TMEM132D: variants seen among roughly 807,000 people sequenced by gnomAD.
TMEM132D encodes mature OL transmembrane protein.
A neutral mutation model predicts 62.3 loss-of-function variants in TMEM132D; 21 were observed. That is an observed-to-expected ratio of 0.34 (90% CI 0.24 to 0.49). The LOEUF is 0.49. Among genes scored for constraint, TMEM132D ranks in the 20% least tolerant of loss-of-function variants. TMEM132D has a pLI of 0.99. For missense variants in TMEM132D, 1,346 were observed against 1,402.8 expected, an observed-to-expected ratio of 0.96 and a Z score of 0.65; for synonymous variants, 621 against 575.6, an observed-to-expected ratio of 1.08 and a Z score of -1.13.
intron 1 of TMEM132D, among the ~76,000 whole-genome samples, chr12:129,737,495 G>A (rs1869465393): frequency 6.6e-6 from 1 of 152,068 alleles, no homozygotes; most frequent in South Asian, 2.1e-4. Flanking sequence ...TGTATAAATT[G>A]GCTAGACACA....
chr12:129,077,275 G>T (rs759124816), intron 8 of TMEM132D, among the ~76,000 whole-genome samples: 4 of 152,052 alleles, frequency 2.6e-5, no homozygotes, highest in South Asian at 4.1e-4. Context: ...CGCAGAAAAG[G>T]CTCCTGATCC....
intron 3 of TMEM132D, among the ~76,000 whole-genome samples, chr12:129,528,450 AAAT>A (rs1349068898): frequency 2.0e-5 from 3 of 147,974 alleles, no homozygotes; most frequent in African/African-American, 7.7e-5. Flanking sequence ...AAAAAAAAAA[AAAT>A]CAAACAGTTC....
Position 129,765,236 on chromosome 12 carries a change from G to A in TMEM132D, c.80-64538C>T, listed in dbSNP as rs148604682. ...CAATTCTACAACTCTGAAAGTTGTA[G>A]GTAATTTATAGCAATGCAAATAATT... On this transcript the variant is annotated intron_variant, in intron 1 of 8. Transcript: ENST00000422113. Among the ~76,000 whole-genome samples, 701 of 152,284 alleles carry A rather than the reference G, an allele frequency of 4.6e-3. 8 individuals are homozygous for A. Among genetic ancestry groups the A allele is most frequent in the African/African-American group, 0.016 (650 of 41,560 alleles).
intron 3 of TMEM132D, among the ~76,000 whole-genome samples, chr12:129,350,602 AGTGAC>A (rs1191485662): frequency 5.3e-5 from 8 of 152,300 alleles, no homozygotes; most frequent in Non-Finnish European, 8.8e-5. Context: ...TCAGGCAGAG[AGTGAC>A]TTATTTACTG....
chr12:129,390,698 T>C (rs371066005), intron 3 of TMEM132D, among the ~76,000 whole-genome samples: 88 of 152,192 alleles, frequency 5.8e-4, no homozygotes, highest in African/African-American at 2.0e-3. Flanking sequence ...TCCTCCTTCT[T>C]CTTGCTGGTG....
At chr12:129,343,407 C>T (rs569234538) in intron 3 of TMEM132D, among the ~76,000 whole-genome samples, 1 of 149,770 alleles carries the variant, frequency 6.7e-6, no homozygotes, top group Non-Finnish European at 1.5e-5. Context: ...AGAGGAACAT[C>T]ACACACTGGG....
chr12:129,176,357 C>T (rs955838795), intron 5 of TMEM132D, among the ~76,000 whole-genome samples: 4 of 152,332 alleles, frequency 2.6e-5, no homozygotes, highest in South Asian at 2.1e-4. Flanking sequence ...TGTGACTCCA[C>T]CATACTGTTT....
intron 1 of TMEM132D, among the ~76,000 whole-genome samples, chr12:129,732,179 C>T (rs1421279262): frequency 1.3e-5 from 2 of 152,116 alleles, no homozygotes; most frequent in African/African-American, 4.8e-5. Flanking sequence ...CCTCAGATCG[C>T]ATGGGGAAGC....
At chr12:129,756,370 C>T (rs1870169383) in intron 1 of TMEM132D, among the ~76,000 whole-genome samples, 1 of 152,182 alleles carries the variant, frequency 6.6e-6, no homozygotes, top group Non-Finnish European at 1.5e-5. Flanking sequence ...GAAATTTTGA[C>T]ACACACTATA....
intron 4 of TMEM132D, among the ~76,000 whole-genome samples, chr12:129,240,147 T>A (rs1265979014): frequency 6.6e-6 from 1 of 152,156 alleles, no homozygotes; most frequent in African/African-American, 2.4e-5. Flanking sequence ...AAAACAGCAA[T>A]GAGCAGTAAT....
intron 1 of TMEM132D, among the ~76,000 whole-genome samples, chr12:129,760,114 C>T (rs981806820): frequency 1.3e-5 from 2 of 152,032 alleles, no homozygotes; most frequent in African/African-American, 4.8e-5. Flanking sequence ...GCTATGCTTT[C>T]CAGGCTGGCC....
intron 4 of TMEM132D, among the ~76,000 whole-genome samples, chr12:129,305,672 C>T (rs924001656): frequency 2.0e-5 from 3 of 152,120 alleles, no homozygotes; most frequent in Non-Finnish European, 4.4e-5. Context: ...AGCTTGACTG[C>T]CCAGGTTAGG....
chr12:129,408,444 T>G (rs1871862391), intron 3 of TMEM132D, among the ~76,000 whole-genome samples: 1 of 151,916 alleles, frequency 6.6e-6, no homozygotes, highest in Non-Finnish European at 1.5e-5. Context: ...TAGTAGCTTT[T>G]TTTTTTTTTA....
At chr12:129,765,816 C>CCA in intron 1 of TMEM132D, among the ~76,000 whole-genome samples, 1 of 152,286 alleles carries the variant, frequency 6.6e-6, no homozygotes, top group Admixed American at 6.5e-5. Flanking sequence ...ATTTTGATAT[C>CCA]CACAGGAGAG....
chr12:129,749,861 T>G (rs759749718), intron 1 of TMEM132D, among the ~76,000 whole-genome samples: 1 of 152,218 alleles, frequency 6.6e-6, no homozygotes, highest in African/African-American at 2.4e-5. Context: ...GAATTGTCCA[T>G]GTACCATTCT....
At chr12:129,254,263 C>T (rs977958018) in intron 4 of TMEM132D, among the ~76,000 whole-genome samples, 14 of 152,220 alleles carry the variant, frequency 9.2e-5, no homozygotes, top group Non-Finnish European at 1.6e-4. Context: ...GATGGACATC[C>T]CGATTACTCT....
intron 2 of TMEM132D, among the ~76,000 whole-genome samples, chr12:129,540,844 A>G (rs771560774): frequency 1.3e-5 from 2 of 152,164 alleles, no homozygotes; most frequent in Admixed American, 6.5e-5. Flanking sequence ...TATGCTGCCC[A>G]GGCTGGGTCT....
At chr12:129,620,836 G>C (rs1879046091) in intron 2 of TMEM132D, among the ~76,000 whole-genome samples, 1 of 152,172 alleles carries the variant, frequency 6.6e-6, no homozygotes, top group Non-Finnish European at 1.5e-5. Context: ...ATGAGGAAGA[G>C]GAAGGGAAAG....
At chr12:129,293,253 A>C (rs1881493651) in intron 4 of TMEM132D, among the ~76,000 whole-genome samples, 1 of 152,178 alleles carries the variant, frequency 6.6e-6, no homozygotes, top group Non-Finnish European at 1.5e-5. Context: ...GGTGGGGTGA[A>C]AGAGGTCATC....
Sources: allele counts gnomAD v4.1 joint callset (sites outside exome capture counted in the v4.1 genomes callset), GRCh38; gene constraint gnomAD v4.1.1; transcripts MANE v1.5; gene names NCBI Gene and HGNC (gene_info 2026-07-23, HGNC 2026-07-21).